The following OR6J1 variants were observed in gnomAD, a reference collection of about 807,000 sequenced individuals.
OR6J1 encodes olfactory receptor family 6 subfamily J member 1.
For synonymous variants in OR6J1, 109 were observed against 70.0 expected (o/e 1.56, Z -2.78); for missense variants, 304 against 166.8 (o/e 1.82, Z -4.53).
At chr14:22,640,494 T>TG (rs1378136794) in intron 1 of OR6J1, among the ~76,000 whole-genome samples, 20 of 145,278 alleles carry the variant, frequency 1.4e-4, no homozygotes, top group African/African-American at 4.3e-4. Flanking sequence ...TATTTTTTTT[T>TG]TTTTTTTTTT....
At chr14:22,639,156 T>C (rs1392753424) in intron 1 of OR6J1, among the ~76,000 whole-genome samples, 5 of 87,716 alleles carry the variant, frequency 5.7e-5, no homozygotes, top group East Asian at 2.8e-4. Context: ...GTGAGGAGCC[T>C]CTCCGCCCGG....
chr14:22,636,730 G>A (rs1217588015), intron 1 of OR6J1, among the ~76,000 whole-genome samples: 1 of 116,868 alleles, frequency 8.6e-6, no homozygotes, highest in Non-Finnish European at 1.7e-5. Flanking sequence ...GTGGTGCCCA[G>A]GCTGGAGTGC....
At chr14:22,640,701 C>T (rs936089133) in intron 1 of OR6J1, among the ~76,000 whole-genome samples, 1 of 151,068 alleles carries the variant, frequency 6.6e-6, no homozygotes, top group East Asian at 1.9e-4. Context: ...CATTACTTTT[C>T]GTAGCTATGG....
intron 1 of OR6J1, among the ~76,000 whole-genome samples, chr14:22,643,764 C>CACAGAGAGAG (rs1466950724): frequency 0.021 from 774 of 37,696 alleles, 34 homozygotes; most frequent in East Asian, 0.058. Context: ...CACACACACA[C>CACAGAGAGAG]AGAGAGAGAG....
intron 1 of OR6J1, among the ~76,000 whole-genome samples, chr14:22,641,405 G>GGAAC (rs2037649337): frequency 2.2e-5 from 1 of 46,318 alleles, no homozygotes; most frequent in Non-Finnish European, 3.9e-5. Context: ...GAGAAAGGAA[G>GGAAC]GATGGAAGGA....
chr14:22,640,005 A>C (rs1488705627), intron 1 of OR6J1, among the ~76,000 whole-genome samples: 2 of 151,488 alleles, frequency 1.3e-5, no homozygotes, highest in South Asian at 2.1e-4. Context: ...TAAAAAAAAA[A>C]AAAATTTACA....
intron 1 of OR6J1, among the ~76,000 whole-genome samples, chr14:22,641,973 G>A (rs1033226623): frequency 7.2e-5 from 11 of 152,106 alleles, no homozygotes; most frequent in African/African-American, 2.2e-4. Flanking sequence ...AGAAGAATAT[G>A]GATTGGACTA....
chr14:22,640,123 G>C (rs2037631944), intron 1 of OR6J1, among the ~76,000 whole-genome samples: 1 of 147,308 alleles, frequency 6.8e-6, no homozygotes, highest in Non-Finnish European at 1.5e-5. Flanking sequence ...CTACTCCTAG[G>C]TAGAGAAACT....
At chr14:22,641,278 G>A (rs148083401) in intron 1 of OR6J1, among the ~76,000 whole-genome samples, 69,135 of 121,842 alleles carry the variant, frequency 0.57, 21,939 homozygotes, top group East Asian at 0.73. Context: ...AGGAAGGAAG[G>A]AAGAAAGAGA....
chr14:22,636,012 G>A (rs985946955), intron 1 of OR6J1, among the ~76,000 whole-genome samples: 1 of 151,848 alleles, frequency 6.6e-6, no homozygotes, highest in African/African-American at 2.4e-5. Flanking sequence ...ATCACAAACA[G>A]GAAGAACATA....
intron 1 of OR6J1, among the ~76,000 whole-genome samples, chr14:22,641,266 A>AAAGGAAGGAAGG (rs1555310982): frequency 8.1e-6 from 1 of 122,788 alleles, no homozygotes; most frequent in African/African-American, 3.2e-5. Flanking sequence ...AGAAAGAAAG[A>AAAGGAAGGAAGG]AAGGAAGGAA....
At chr14:22,640,497 T>G (rs1232942381) in intron 1 of OR6J1, among the ~76,000 whole-genome samples, 1 of 145,830 alleles carries the variant, frequency 6.9e-6, no homozygotes, top group Non-Finnish European at 1.5e-5. Context: ...TTTTTTTTTT[T>G]TTTTTTTTTT....
At position 22,631,060 on chromosome 14, in the gene OR6J1, G is replaced by T. The variant is rs2037541879; in HGVS notation, c.*2708C>A. ...GGGAGGGAGTGTACGAATAGGTGTGGGTCACAGAGGTCACGTACTTTACAA... is the reference window on the plus strand; with the variant it reads ...GGGAGGGAGTGTACGAATAGGTGTGTGTCACAGAGGTCACGTACTTTACAA... On this transcript the variant is annotated 3_prime_UTR_variant, in exon 2 of 2. Transcript: ENST00000540461. 1.3e-5 allele frequency: 2 copies of T among 152,088 alleles called. No homozygotes were observed. The highest frequency in any genetic ancestry group is 4.8e-5 in the African/African-American group (2 of 41,412). 9.4% of individuals were successfully genotyped at this position (152,088 alleles called of 1,614,324 possible). A position where few individuals can be genotyped will look rare whatever the true frequency, so the allele number is the denominator to read the frequency against.
intron 1 of OR6J1, among the ~76,000 whole-genome samples, chr14:22,637,203 C>T (rs1158134378): frequency 3.1e-5 from 3 of 96,912 alleles, no homozygotes; most frequent in African/African-American, 8.1e-5. Flanking sequence ...AAGTGAGGAG[C>T]CCCTCCGTCC....
chr14:22,637,584 TG>T (rs1248245122), intron 1 of OR6J1, among the ~76,000 whole-genome samples: 12 of 31,746 alleles, frequency 3.8e-4, no homozygotes, highest in East Asian at 1.0e-3. Context: ...GGGAGGGAGG[TG>T]GGGGGGTCAG....
chr14:22,635,544 G>A (rs2037577733), intron 1 of OR6J1, among the ~76,000 whole-genome samples: 1 of 152,180 alleles, frequency 6.6e-6, no homozygotes, highest in African/African-American at 2.4e-5. Flanking sequence ...TGCTGAAGAA[G>A]AAAGTCAGGG....
chr14:22,635,504 G>A (rs2037577538), intron 1 of OR6J1, among the ~76,000 whole-genome samples: 1 of 152,170 alleles, frequency 6.6e-6, no homozygotes, highest in Non-Finnish European at 1.5e-5. Flanking sequence ...ATGTAAATTA[G>A]CAAAGGTCCT....
At chr14:22,643,179 G>T (rs777048920) in intron 1 of OR6J1, among the ~76,000 whole-genome samples, 2 of 151,908 alleles carry the variant, frequency 1.3e-5, no homozygotes, top group Non-Finnish European at 2.9e-5. Context: ...TGTTGGCCAG[G>T]CTGGTCTCGA....
intron 1 of OR6J1, among the ~76,000 whole-genome samples, chr14:22,639,307 C>T (rs2037623821): frequency 7.7e-6 from 1 of 130,280 alleles, no homozygotes; most frequent in Non-Finnish European, 1.6e-5. Flanking sequence ...GCCGCCCCTA[C>T]TGGGAAGTGA....
Sources: gnomAD v4.1 joint callset for allele counts (sites outside exome capture counted in the v4.1 genomes callset) on GRCh38, gnomAD v4.1.1 for gene constraint, MANE v1.5 for transcripts, NCBI Gene and HGNC (gene_info 2026-07-23, HGNC 2026-07-21) for gene names.